NKAIN2: variants seen among roughly 807,000 people sequenced by gnomAD.
NKAIN2 encodes the protein sodium/potassium transporting ATPase interacting 2.
NKAIN2 carries 14 observed loss-of-function variants against 32.6 expected under a neutral mutation model. The observed-to-expected ratio is 0.43, with a 90% CI of 0.28 to 0.67. The LOEUF is 0.67. Ranked by LOEUF, NKAIN2 falls within the 30% of genes least tolerant of loss-of-function variation. The pLI is 0.17. For synonymous variants in NKAIN2, 80 were observed against 87.2 expected (o/e 0.92, Z 0.46); for missense variants, 198 against 258.3 (o/e 0.77, Z 1.60).
chr6:124,543,292 C>T (rs532708730), intron 3 of NKAIN2, among the ~76,000 whole-genome samples: 202 of 152,294 alleles, frequency 1.3e-3, no homozygotes, highest in Non-Finnish European at 2.1e-3. Context: ...AATCCTTCCA[C>T]TACCTAGCCA....
intron 3 of NKAIN2, among the ~76,000 whole-genome samples, chr6:124,550,718 T>A (rs913591409): frequency 6.6e-6 from 1 of 152,158 alleles, no homozygotes; most frequent in Non-Finnish European, 1.5e-5. Context: ...AAGGAAGTGG[T>A]AATAGGTTCC....
intron 3 of NKAIN2, among the ~76,000 whole-genome samples, chr6:124,547,188 G>A (rs531096537): frequency 6.6e-6 from 1 of 151,924 alleles, no homozygotes; most frequent in Non-Finnish European, 1.5e-5. Context: ...AGTGAGAAAC[G>A]GTTATTCATT....
At chr6:124,723,421 C>A (rs979376435) in intron 4 of NKAIN2, among the ~76,000 whole-genome samples, 3 of 104,468 alleles carry the variant, frequency 2.9e-5, no homozygotes, top group African/African-American at 1.0e-4. Context: ...GCTGCACTGG[C>A]AAATATTTTT....
intron 1 of NKAIN2, among the ~76,000 whole-genome samples, chr6:124,141,019 G>A (rs776374404): frequency 1.1e-4 from 16 of 152,054 alleles, no homozygotes; most frequent in Non-Finnish European, 1.5e-4. Context: ...CTCCAATAAG[G>A]ACAAAACTTG....
chr6:124,594,672 C>T (rs905569286), intron 3 of NKAIN2, among the ~76,000 whole-genome samples: 2 of 151,828 alleles, frequency 1.3e-5, no homozygotes, highest in Non-Finnish European at 2.9e-5. Context: ...ATGAATGTAC[C>T]GAGAGTGAAA....
At chr6:124,219,027 G>T (rs983776845) in intron 1 of NKAIN2, among the ~76,000 whole-genome samples, 3 of 151,872 alleles carry the variant, frequency 2.0e-5, no homozygotes, top group African/African-American at 7.3e-5. Flanking sequence ...ACTTCCAAAC[G>T]CTTACTGGGG....
At chr6:123,821,300 T>C (rs1311451397) in intron 1 of NKAIN2, among the ~76,000 whole-genome samples, 1 of 152,234 alleles carries the variant, frequency 6.6e-6, no homozygotes, top group Non-Finnish European at 1.5e-5. Context: ...CTCACTATTT[T>C]AGATCAGGCA....
intron 4 of NKAIN2, among the ~76,000 whole-genome samples, chr6:124,727,263 A>C (rs898633426): frequency 6.6e-6 from 1 of 151,960 alleles, no homozygotes; most frequent in Non-Finnish European, 1.5e-5. Context: ...TGTCAGATTC[A>C]CCAAAGTTGA....
At chr6:124,156,923 TA>T (rs1226687408) in intron 1 of NKAIN2, among the ~76,000 whole-genome samples, 2 of 151,490 alleles carry the variant, frequency 1.3e-5, no homozygotes, top group Non-Finnish European at 2.9e-5. Flanking sequence ...GCCAACATGG[TA>T]AAACCCCGTC....
intron 3 of NKAIN2, among the ~76,000 whole-genome samples, chr6:124,425,857 G>T (rs556010786): frequency 9.2e-5 from 14 of 152,048 alleles, no homozygotes; most frequent in Non-Finnish European, 1.6e-4. Flanking sequence ...AAAGACTGTT[G>T]ACTTATTCAC....
intron 1 of NKAIN2, among the ~76,000 whole-genome samples, chr6:124,051,258 T>G (rs1782385923): frequency 6.6e-6 from 1 of 151,982 alleles, no homozygotes; most frequent in Admixed American, 6.6e-5. Context: ...GTCTCCCAGG[T>G]GCTTAGAGCT....
chr6:124,138,138 A>G (rs1409612862), intron 1 of NKAIN2, among the ~76,000 whole-genome samples: 1 of 152,184 alleles, frequency 6.6e-6, no homozygotes, highest in Non-Finnish European at 1.5e-5. Context: ...TCTAAAAGGA[A>G]CTCAAACAAA....
intron 3 of NKAIN2, among the ~76,000 whole-genome samples, chr6:124,607,661 C>T (rs1179122978): frequency 1.3e-5 from 2 of 152,028 alleles, no homozygotes; most frequent in African/African-American, 2.4e-5. Flanking sequence ...TCGTTATACA[C>T]ACACACAAAC....
intron 1 of NKAIN2, among the ~76,000 whole-genome samples, chr6:124,260,775 G>A (rs2114841493): frequency 6.6e-6 from 1 of 151,994 alleles, no homozygotes; most frequent in Non-Finnish European, 1.5e-5. Flanking sequence ...GCATGGAAAA[G>A]TCTCTAATAT....
chr6:124,453,801 C>T (rs1776211516), intron 3 of NKAIN2, among the ~76,000 whole-genome samples: 1 of 151,974 alleles, frequency 6.6e-6, no homozygotes, highest in African/African-American at 2.4e-5. Context: ...CACAGGGAAA[C>T]ATATATTTTT....
intron 5 of NKAIN2, among the ~76,000 whole-genome samples, chr6:124,807,742 G>A (rs1201520881): frequency 6.6e-6 from 1 of 150,442 alleles, no homozygotes; most frequent in Admixed American, 6.7e-5. Context: ...TAGACCGCTA[G>A]CAATAAAGAA....
At chr6:124,423,416 A>T (rs535264625) in intron 3 of NKAIN2, among the ~76,000 whole-genome samples, 1 of 152,318 alleles carries the variant, frequency 6.6e-6, no homozygotes, top group East Asian at 1.9e-4. Context: ...TAAAATGTAC[A>T]TAATAATACC....
At chr6:124,110,230 G>C (rs768839481) in intron 1 of NKAIN2, among the ~76,000 whole-genome samples, 24 of 150,994 alleles carry the variant, frequency 1.6e-4, no homozygotes, top group Admixed American at 7.9e-4. Context: ...ATTTGACACA[G>C]GCACATCAAT....
At chr6:124,344,162 G>T (rs920457133) in intron 2 of NKAIN2, among the ~76,000 whole-genome samples, 7 of 152,058 alleles carry the variant, frequency 4.6e-5, no homozygotes, top group African/African-American at 9.7e-5. Flanking sequence ...CATTATTTCT[G>T]AGGGCTCTGT....
Sources: allele counts gnomAD v4.1 joint callset (sites outside exome capture counted in the v4.1 genomes callset), GRCh38; gene constraint gnomAD v4.1.1; transcripts MANE v1.5; gene names NCBI Gene and HGNC (gene_info 2026-07-23, HGNC 2026-07-21).